The following ATXN10 variants were observed in gnomAD, a reference collection of about 807,000 sequenced individuals.
ATXN10 encodes the protein ataxin-10.
In ATXN10, 28 loss-of-function variants were observed where a neutral mutation model predicts 52.9. The ratio of observed to expected loss-of-function variants is 0.53; its 90% CI spans 0.39 to 0.73. The LOEUF (loss-of-function observed/expected upper bound fraction) is 0.73, where lower values mean the gene tolerates loss of function less well. Among genes scored for constraint, ATXN10 ranks in the 30% least tolerant of loss-of-function variants. ATXN10 has a pLI of 0.00. For missense variants in ATXN10, 565 were observed against 577.0 expected, an observed-to-expected ratio of 0.98 and a Z score of 0.21; for synonymous variants, 226 against 221.5, an observed-to-expected ratio of 1.02 and a Z score of -0.18.
intron 6 of ATXN10, among the ~76,000 whole-genome samples, chr22:45,721,431 G>T (rs1412117260): frequency 6.6e-6 from 1 of 152,160 alleles, no homozygotes; most frequent in Non-Finnish European, 1.5e-5. Context: ...ATTGAAATGT[G>T]TATAAAACTC....
chr22:45,810,975 T>C (rs1442821287), intron 10 of ATXN10, among the ~76,000 whole-genome samples: 1 of 152,204 alleles, frequency 6.6e-6, no homozygotes, highest in Non-Finnish European at 1.5e-5. Flanking sequence ...ATGAAAAGCA[T>C]GTCTGTTTTC....
chr22:45,749,320 G>A lies in ATXN10; in HGVS notation c.1173+8782G>A, dbSNP rs562304329. The stretch of plus-strand genomic sequence containing the variant: ...CGTAGAGTAGTTACTTGCTTGGAGC[G>A]ATAGCAGGCCAAATTCTGACTCCAG... On this transcript the variant is annotated intron_variant, in intron 9 of 11. Coordinates refer to ENST00000252934, the MANE Select transcript of ATXN10 (RefSeq NM_013236.4). Among the ~76,000 whole-genome samples the A allele has an allele frequency of 9.2e-5, 14 of 152,180 alleles. No homozygotes were observed. In the South Asian group the frequency reaches 2.5e-3, roughly 27 times the overall value.
At position 45,795,354 on chromosome 22, in the gene ATXN10, GATTCTATTCTATTCTATTCTATTCT is replaced by G. The variant is rs60726084; in HGVS notation, c.1174-11559_1174-11535del. 8.1e-4 allele frequency among the ~76,000 whole-genome samples: 103 copies of G among 126,644 alleles called. 1 individual carries two copies. Among genetic ancestry groups the G allele is most frequent in the South Asian group, 3.6e-3 (13 of 3,630 alleles). The allele number at this position is 126,644 out of a possible 152,430, so 83.1% of individuals were successfully genotyped here. A position where few individuals can be genotyped will look rare whatever the true frequency, so the allele number is the denominator to read the frequency against. On this transcript the variant is annotated intron_variant, in intron 9 of 11. Transcript: ENST00000252934. The surrounding 1 kb of genome is among the most constrained non-coding windows in gnomAD (Gnocchi z 4.6). Reference sequence around the variant, plus strand: ...ATCCAACTAAAAGACTACTAGAATGGATTCTATTCTATTCTATTCTATTCTATTCTATTCTATTCTATTCTATTCT... The same window carrying G: ...ATCCAACTAAAAGACTACTAGAATGGATTCTATTCTATTCTATTCTATTCT...
chr22:45,767,834 A>G (rs1443552798), intron 9 of ATXN10, among the ~76,000 whole-genome samples: 2 of 152,216 alleles, frequency 1.3e-5, no homozygotes, highest in Admixed American at 6.5e-5. Flanking sequence ...CAGAAGAGCC[A>G]CAGAGAAATT....
At chr22:45,751,740 G>GAAAAAAAAAAAAAAAAAAAAAA (rs200364242) in intron 9 of ATXN10, among the ~76,000 whole-genome samples, 1 of 45,492 alleles carries the variant, frequency 2.2e-5, no homozygotes, top group Non-Finnish European at 3.7e-5. Context: ...CCTTTTTCTG[G>GAAAAAAAAAAAAAAAAAAAAAA]AAAAAAAAAA....
rs1925906375 is a variant in ATXN10 at position 45,750,479 on chromosome 22, T to G, written c.1173+9941T>G. 6.6e-6 allele frequency among the ~76,000 whole-genome samples: 1 copy of G among 152,150 alleles called. No individual in the cohort carries two copies. Reference sequence around the variant, plus strand: ...ATCCAAAAAGAAGAATATCTGAGACTTGGGTGAGGGGAAAACCAGCTGTAT... The same window carrying G: ...ATCCAAAAAGAAGAATATCTGAGACGTGGGTGAGGGGAAAACCAGCTGTAT... On this transcript the variant is annotated intron_variant, in intron 9 of 11. Coordinates refer to ENST00000252934, the MANE Select transcript of ATXN10 (RefSeq NM_013236.4). This position sits in a 1 kb window ranked among gnomAD's most constrained non-coding sequence, Gnocchi z 4.2.
intron 9 of ATXN10, among the ~76,000 whole-genome samples, chr22:45,751,740 G>GAAAAAAAAAAAAAAAAAAAA (rs200364242): frequency 4.4e-5 from 2 of 45,474 alleles, no homozygotes; most frequent in Non-Finnish European, 3.7e-5. Flanking sequence ...CCTTTTTCTG[G>GAAAAAAAAAAAAAAAAAAAA]AAAAAAAAAA....
chr22:45,682,017 A>G (rs1922942472), intron 1 of ATXN10, among the ~76,000 whole-genome samples: 1 of 152,094 alleles, frequency 6.6e-6, no homozygotes, highest in East Asian at 1.9e-4. Context: ...TTTGCACTAA[A>G]TTCCATTGCC....
intron 7 of ATXN10, among the ~76,000 whole-genome samples, chr22:45,736,724 T>C (rs1925312322): frequency 6.6e-6 from 1 of 152,188 alleles, no homozygotes; most frequent in Non-Finnish European, 1.5e-5. Flanking sequence ...CAGAGGCATA[T>C]TCAGATTTGG....
chr22:45,817,077 C>T (rs1928485946), intron 10 of ATXN10, among the ~76,000 whole-genome samples: 1 of 152,128 alleles, frequency 6.6e-6, no homozygotes, highest in Non-Finnish European at 1.5e-5. Context: ...TGTGTGTCTG[C>T]TTTAATATCT....
intron 6 of ATXN10, among the ~76,000 whole-genome samples, chr22:45,723,637 T>A (rs1924750203): frequency 6.6e-6 from 1 of 152,168 alleles, no homozygotes. Flanking sequence ...ATTTGATTTT[T>A]CCATTTCTGA....
At chr22:45,730,718 T>A (rs1925057694) in intron 7 of ATXN10, among the ~76,000 whole-genome samples, 1 of 152,236 alleles carries the variant, frequency 6.6e-6, no homozygotes, top group Non-Finnish European at 1.5e-5. Flanking sequence ...ATTACTGGCA[T>A]AAGCCACCAC....
In ATXN10 at chr22:45,733,077, T is replaced by G. The variant is rs1925151006; in HGVS notation, c.894+3487T>G. ...TATATTTTGTATACTTGTTTCCAGT[T>G]TTTGATATATTTTTGTCAGTTCAGA... On this transcript the variant is annotated intron_variant, in intron 7 of 11. Coordinates refer to ENST00000252934, the MANE Select transcript of ATXN10 (RefSeq NM_013236.4). The surrounding 1 kb of genome is among the most constrained non-coding windows in gnomAD (Gnocchi z 4.4). 6.6e-6 allele frequency among the ~76,000 whole-genome samples: 1 copy of G among 152,220 alleles called. No homozygotes were observed. Among genetic ancestry groups the G allele is most frequent in the African/African-American group, 2.4e-5 (1 of 41,466 alleles).
chr22:45,827,168 C>T (rs1928844302), intron 10 of ATXN10, among the ~76,000 whole-genome samples: 1 of 113,976 alleles, frequency 8.8e-6, no homozygotes, highest in Admixed American at 9.1e-5. Context: ...CACACACACA[C>T]ACACGGCTAT....
Position 45,806,967 on chromosome 22 carries a change from G to T in ATXN10, c.1182G>T (p.Glu394Asp). The stretch of plus-strand genomic sequence containing the variant: ...ATCTTCTTTCTCTCTAGGTAAATGA[G>T]CTGGATGGTATCCCGTTGATCCTGG... ...KNKDNQDKVN[E>D]LDGIPLILDN... Residue 394 changes from glutamate (E) to aspartate (D), a missense_variant, in exon 10 of 12, where the codon GAG becomes GAT. Coordinates refer to ENST00000252934, the MANE Select transcript of ATXN10 (RefSeq NM_013236.4). 2 of 1,613,578 alleles carry T rather than the reference G, an allele frequency of 1.2e-6. No homozygotes were observed. Among genetic ancestry groups the T allele is most frequent in the Non-Finnish European group, 1.7e-6 (2 of 1,179,528 alleles).
At chr22:45,672,286 G>C in intron 1 of ATXN10, 107 bp downstream of exon 1, 1 of 1,177,614 alleles carries the variant, frequency 8.5e-7, no homozygotes, top group Non-Finnish European at 1.1e-6. Flanking sequence ...CTGGAGACGC[G>C]GAGGGCGAGG....
rs925596669 is a variant in ATXN10, at chr22:45,844,369, C to G, written c.*698C>G. ...CTGTGTCAAGGTGAATGCCTGTGTC[C>G]TCCCCAGCTTCATGCCTCTGTCATG... On this transcript the variant is annotated 3_prime_UTR_variant, in exon 12 of 12. Coordinates refer to ENST00000252934, the MANE Select transcript of ATXN10 (RefSeq NM_013236.4). The G allele has an allele frequency of 2.0e-5, 3 of 152,668 alleles. No homozygotes were observed. Among genetic ancestry groups the G allele is most frequent in the African/African-American group, 4.8e-5 (2 of 41,432 alleles). The allele number at this position is 152,668 out of a possible 1,614,324, so 9.5% of individuals were successfully genotyped here.
chr22:45,767,346 A>G (rs930817323), intron 9 of ATXN10, among the ~76,000 whole-genome samples: 4 of 152,060 alleles, frequency 2.6e-5, no homozygotes, highest in Non-Finnish European at 2.9e-5. Context: ...TTTTTATAGT[A>G]TACTATATCT....
At chr22:45,726,426 A>G (rs1924874099) in intron 6 of ATXN10, among the ~76,000 whole-genome samples, 2 of 151,998 alleles carry the variant, frequency 1.3e-5, no homozygotes, top group Non-Finnish European at 2.9e-5. Context: ...CATTTCCTCT[A>G]AATTTTCTTG....
Sources: allele counts gnomAD v4.1 joint callset (sites outside exome capture counted in the v4.1 genomes callset), GRCh38; gene constraint gnomAD v4.1.1; non-coding constraint Gnocchi (gnomAD v3.1); transcripts MANE v1.5; gene names NCBI Gene and HGNC (gene_info 2026-07-23, HGNC 2026-07-21).